The following ARFGEF1 variants were observed in gnomAD, a reference collection of about 807,000 sequenced individuals.
The protein encoded by ARFGEF1 is ARF guanine nucleotide exchange factor 1.
A neutral mutation model predicts 231.0 loss-of-function variants in ARFGEF1; 42 were observed. The ratio of observed to expected loss-of-function variants is 0.18; its 90% CI spans 0.14 to 0.24. ARFGEF1 has a LOEUF of 0.24. ARFGEF1 is among the 10% of genes least tolerant of loss of function. The pLI, the probability that ARFGEF1 is intolerant of heterozygous loss-of-function variation, is 1.00. For synonymous variants in ARFGEF1, 710 were observed against 732.3 expected (o/e 0.97, Z 0.49); for missense variants, 1,345 against 2,192.0 (o/e 0.61, Z 7.72).
In ARFGEF1 at chr8:67,238,789, T is replaced by C. The variant is rs1461386664; in HGVS notation, c.3084A>G (p.Thr1028=). 6.2e-7 allele frequency: 1 copy of C among 1,613,870 alleles called. No individual in the cohort carries two copies. The highest frequency in any genetic ancestry group is 1.1e-5 in the South Asian group (1 of 91,082). Residue 1028 remains threonine (T), a synonymous_variant, in exon 21 of 39, where the codon ACA becomes ACG. Coordinates refer to ENST00000262215, the MANE Select transcript of ARFGEF1 (RefSeq NM_006421.5). ...MKQKNIDTIK[T]LITVAHTDGN... ...CATCTGTATGAGCCACTGTGATAAG[T>C]GTTTTTATTGTGTCAATGTTCTTCT...
chr8:67,286,462 G>A (rs1024495203), intron 7 of ARFGEF1, among the ~76,000 whole-genome samples: 23 of 152,084 alleles, frequency 1.5e-4, no homozygotes, highest in African/African-American at 4.8e-4. Context: ...TTTAGAGGTC[G>A]TACAATCTCT....
At position 67,238,424 on chromosome 8, in the gene ARFGEF1, AAATGTATCG is replaced by A; in HGVS notation, c.3199_3207del (p.Arg1067_Ile1069del). ...CCTTCTCTGCCTCGCACTGTTCCAG[AAATGTATCG>A]AGGTTTCACTCCAGTTCCTATAAGC... is the stretch of plus-strand genomic sequence containing the variant. On this transcript the variant is annotated inframe_deletion, in exon 22 of 39. Coordinates refer to ENST00000262215, the MANE Select transcript of ARFGEF1 (RefSeq NM_006421.5). 6.2e-7 allele frequency: 1 copy of A among 1,614,054 alleles called. No homozygotes were observed. Among genetic ancestry groups the A allele is most frequent in the Non-Finnish European group, 8.5e-7 (1 of 1,179,944 alleles).
In ARFGEF1 at chr8:67,240,603, CCT is replaced by C. The variant is rs1319676744; in HGVS notation, c.2851-315_2851-314del. Among the ~76,000 whole-genome samples, 8 of 152,104 alleles carry C rather than the reference CCT, an allele frequency of 5.3e-5. No individual in the cohort carries two copies. In the East Asian group the frequency reaches 5.8e-4, roughly 11 times the overall value. The stretch of plus-strand genomic sequence containing the variant: ...ATTAGTTTTACCCGACTTCAGAACT[CCT>C]CTCTCTTTGTAAGCTTTGTCTCTTG... On this transcript the variant is annotated intron_variant, in intron 19 of 38. Transcript: ENST00000262215.
downstream of ARFGEF1, among the ~76,000 whole-genome samples, chr8:67,195,138 G>A (rs1017772593): frequency 2.0e-5 from 3 of 152,122 alleles, no homozygotes; most frequent in Non-Finnish European, 4.4e-5. Context: ...CTAGTGCCAT[G>A]GAGTCAGCTT....
chr8:67,204,645 A>G, intron 35 of ARFGEF1, 35 bp downstream of exon 35: 1 of 1,590,510 alleles, frequency 6.3e-7, no homozygotes, highest in Admixed American at 1.8e-5. Context: ...CTTCCTACTT[A>G]CACAAAAAAA....
intron 36 of ARFGEF1, among the ~76,000 whole-genome samples, chr8:67,202,099 G>A (rs571181837): frequency 7.9e-5 from 12 of 152,218 alleles, no homozygotes; most frequent in Non-Finnish European, 1.5e-4. Flanking sequence ...AGGTTGTAAA[G>A]GAAAGAGAAT....
At chr8:67,270,857 TC>T (rs1315396157) in intron 10 of ARFGEF1, among the ~76,000 whole-genome samples, 1 of 150,994 alleles carries the variant, frequency 6.6e-6, no homozygotes, top group Middle Eastern at 3.2e-3. Flanking sequence ...AAACCCTGTC[TC>T]TACTAAAAAT....
At chr8:67,305,730 G>C (rs10504400) in intron 1 of ARFGEF1, among the ~76,000 whole-genome samples, 2,471 of 152,256 alleles carry the variant, frequency 0.016, 70 homozygotes, top group African/African-American at 0.057. Flanking sequence ...TGCAAATGAA[G>C]TGAAAAATAT....
chr8:67,328,496 T>C (rs1270683111), intron 1 of ARFGEF1, among the ~76,000 whole-genome samples: 2 of 152,226 alleles, frequency 1.3e-5, no homozygotes, highest in Non-Finnish European at 2.9e-5. Context: ...CAGCAATTTC[T>C]AGTTTTTGTT....
At chr8:67,271,045 G>GAA (rs1563878469) in intron 10 of ARFGEF1, among the ~76,000 whole-genome samples, 6 of 69,734 alleles carry the variant, frequency 8.6e-5, no homozygotes, top group Admixed American at 3.0e-4. Flanking sequence ...AAAAAAAAAG[G>GAA]AAAAAGAAAA....
intron 1 of ARFGEF1, among the ~76,000 whole-genome samples, chr8:67,310,551 G>A (rs1454074722): frequency 2.6e-5 from 4 of 152,064 alleles, no homozygotes; most frequent in African/African-American, 9.7e-5. Flanking sequence ...TCTCTGCCTG[G>A]CCGCCCATCG....
At chr8:67,209,809 G>A (rs954323287) in intron 34 of ARFGEF1, among the ~76,000 whole-genome samples, 1 of 152,080 alleles carries the variant, frequency 6.6e-6, no homozygotes, top group Non-Finnish European at 1.5e-5. Context: ...ATGGGCACAG[G>A]CCGACTAAGG....
intron 34 of ARFGEF1, among the ~76,000 whole-genome samples, chr8:67,209,274 A>AT (rs35452386): frequency 0.47 from 71,707 of 152,096 alleles, 18,451 homozygotes; most frequent in African/African-American, 0.69. Context: ...TGAATTACTG[A>AT]TTATGCTACA....
At chr8:67,185,899 C>A (rs749807780) in intron 5 of ARFGEF1, among the ~76,000 whole-genome samples, 1 of 151,920 alleles carries the variant, frequency 6.6e-6, no homozygotes, top group Non-Finnish European at 1.5e-5. Flanking sequence ...AAGAATCCTT[C>A]AAAAAAACAG....
intron 1 of ARFGEF1, among the ~76,000 whole-genome samples, chr8:67,324,667 G>C (rs1319813519): frequency 3.9e-5 from 6 of 152,056 alleles, no homozygotes; most frequent in Admixed American, 3.9e-4. Context: ...CTGCAAATCT[G>C]CCTTCCCCCA....
At chr8:67,210,748 A>G (rs1276469506) in intron 34 of ARFGEF1, among the ~76,000 whole-genome samples, 1 of 152,118 alleles carries the variant, frequency 6.6e-6, no homozygotes, top group Non-Finnish European at 1.5e-5. Context: ...AAATTAGGAT[A>G]AACACAGTAA....
chr8:67,304,786 T>C (rs992266603), intron 1 of ARFGEF1, among the ~76,000 whole-genome samples: 1 of 152,194 alleles, frequency 6.6e-6, no homozygotes, highest in African/African-American at 2.4e-5. Flanking sequence ...GCCACTGCGC[T>C]CCAGCCTGGG....
Position 67,271,042 on chromosome 8 carries a change from AAG to A in ARFGEF1, c.1572+658_1572+659del, listed in dbSNP as rs1265897498. On this transcript the variant is annotated intron_variant, in intron 10 of 38. Transcript: ENST00000262215. ...TCCATCTCCAAAAAAAAAAAAAAAA[AAG>A]GAAAAAGAAAAAAAAAAAAAGAAAC... is the stretch of plus-strand genomic sequence containing the variant. Among the ~76,000 whole-genome samples the A allele has an allele frequency of 9.4e-3, 1,270 of 134,436 alleles. 87 individuals are homozygous for A. The highest frequency in any genetic ancestry group is 0.033 in the African/African-American group (1,214 of 37,056). The allele number at this position is 134,436 out of a possible 152,430, so 88.2% of individuals were successfully genotyped here.
intron 36 of ARFGEF1, among the ~76,000 whole-genome samples, chr8:67,202,247 T>C (rs1402298383): frequency 2.6e-5 from 4 of 152,100 alleles, no homozygotes; most frequent in African/African-American, 9.7e-5. Context: ...CTCATAATTA[T>C]ATTTCTTTCT....
Sources: gnomAD v4.1 joint callset for allele counts (sites outside exome capture counted in the v4.1 genomes callset) on GRCh38, gnomAD v4.1.1 for gene constraint, MANE v1.5 for transcripts, NCBI Gene and HGNC (gene_info 2026-07-23, HGNC 2026-07-21) for gene names.